Variants in VPS8 observed in about 807,000 individuals in gnomAD.
VPS8 encodes the protein vacuolar protein sorting-associated protein 8 homolog.
A neutral mutation model predicts 216.4 loss-of-function variants in VPS8; 129 were observed. That is an observed-to-expected ratio of 0.60 (90% CI 0.52 to 0.69). The LOEUF (loss-of-function observed/expected upper bound fraction) is 0.69, where lower values mean the gene tolerates loss of function less well. Ranked by LOEUF, VPS8 falls within the 30% of genes least tolerant of loss-of-function variation. The pLI, the probability that VPS8 is intolerant of heterozygous loss-of-function variation, is 0.00. For missense variants in VPS8, 1,531 were observed against 1,683.5 expected, an observed-to-expected ratio of 0.91 and a Z score of 1.59; for synonymous variants, 571 against 565.4, an observed-to-expected ratio of 1.01 and a Z score of -0.14.
chr3:185,049,526 C>T (rs1485606356), intron 47 of VPS8, among the ~76,000 whole-genome samples: 2 of 152,154 alleles, frequency 1.3e-5, no homozygotes. Flanking sequence ...GAGGCCACTG[C>T]AGGTCTTCTG....
intron 38 of VPS8, 43 bp downstream of exon 38, chr3:184,964,600 C>A: frequency 7.9e-7 from 1 of 1,262,298 alleles, no homozygotes; most frequent in Non-Finnish European, 1.1e-6. Flanking sequence ...TCTGTCTATT[C>A]CTCTATTCAT....
At chr3:185,043,273 C>CTCT (rs1712095650) in intron 46 of VPS8, among the ~76,000 whole-genome samples, 1 of 152,174 alleles carries the variant, frequency 6.6e-6, no homozygotes, top group Non-Finnish European at 1.5e-5. Flanking sequence ...AGTTTCCTCA[C>CTCT]AGGTAAATTA....
At chr3:184,867,980 C>T in intron 17 of VPS8, 44 bp from the exon 18 acceptor site, 1 of 1,607,094 alleles carries the variant, frequency 6.2e-7, no homozygotes, top group Non-Finnish European at 8.5e-7. Context: ...CCAAAGAAGT[C>T]TGTTAAGGGT....
chr3:185,022,455 A>G (rs573839149), intron 45 of VPS8, among the ~76,000 whole-genome samples: 1 of 152,338 alleles, frequency 6.6e-6, no homozygotes, highest in African/African-American at 2.4e-5. Flanking sequence ...GTTTGATAAC[A>G]AACTGAATTT....
chr3:184,964,372 A>G, intron 37 of VPS8, 96 bp from the exon 38 acceptor site: 2 of 646,230 alleles, frequency 3.1e-6, no homozygotes, highest in Non-Finnish European at 4.7e-6. Context: ...GTATAAATTC[A>G]TTATTTATCA....
intron 23 of VPS8, among the ~76,000 whole-genome samples, chr3:184,895,700 C>T (rs1216690004): frequency 8.0e-6 from 1 of 124,268 alleles, no homozygotes; most frequent in Non-Finnish European, 1.7e-5. Context: ...AGTACAGTGG[C>T]GTGATCTTGG....
intron 42 of VPS8, among the ~76,000 whole-genome samples, chr3:184,989,244 T>G (rs923754382): frequency 7.9e-5 from 12 of 152,226 alleles, no homozygotes; most frequent in African/African-American, 2.9e-4. Flanking sequence ...AGCTGCAAGG[T>G]TCTTATAGAT....
At chr3:184,826,677 T>C (rs928451808) in intron 3 of VPS8, among the ~76,000 whole-genome samples, 1 of 152,268 alleles carries the variant, frequency 6.6e-6, no homozygotes, top group African/African-American at 2.4e-5. Context: ...CTTTTGAGGT[T>C]TGTATTATGT....
chr3:185,046,916 C>T lies in VPS8; in HGVS notation c.4057-1563C>T, dbSNP rs190536079. On this transcript the variant is annotated intron_variant, in intron 46 of 47. Coordinates refer to ENST00000625842, the MANE Select transcript of VPS8 (RefSeq NM_001009921.3). ...AGTAAGAAATCAGAAATCTGCATGC[C>T]GGCCCTCCCATCCCTTCATTTGATC... Among the ~76,000 whole-genome samples, 11 of 152,262 alleles carry T rather than the reference C, an allele frequency of 7.2e-5. No homozygotes were observed. In the South Asian group the frequency reaches 1.2e-3, roughly 17 times the overall value.
At chr3:184,921,200 A>G (rs537379730) in intron 29 of VPS8, among the ~76,000 whole-genome samples, 2 of 152,306 alleles carry the variant, frequency 1.3e-5, no homozygotes, top group African/African-American at 4.8e-5. Context: ...TCAAAATAAC[A>G]ATAGTTTAAT....
At chr3:184,822,953 A>C (rs544085984) in intron 1 of VPS8, among the ~76,000 whole-genome samples, 1 of 152,340 alleles carries the variant, frequency 6.6e-6, no homozygotes, top group East Asian at 1.9e-4. Context: ...ATTTTCTGTA[A>C]CGTGAAAGAA....
intron 46 of VPS8, among the ~76,000 whole-genome samples, chr3:185,036,698 C>A (rs542693091): frequency 6.6e-6 from 1 of 150,658 alleles, no homozygotes; most frequent in Non-Finnish European, 1.5e-5. Flanking sequence ...TAGTTTTATT[C>A]CCTTCCCCCA....
At chr3:184,890,316 CAGCT>C (rs1732105038) in intron 22 of VPS8, among the ~76,000 whole-genome samples, 1 of 152,154 alleles carries the variant, frequency 6.6e-6, no homozygotes, top group Non-Finnish European at 1.5e-5. Context: ...ATCTAGTACT[CAGCT>C]AGCCAATTTC....
intron 46 of VPS8, among the ~76,000 whole-genome samples, chr3:185,038,870 G>A (rs924240108): frequency 5.9e-5 from 9 of 152,298 alleles, no homozygotes; most frequent in African/African-American, 1.9e-4. Context: ...GGGCAAGGGT[G>A]ATCAGAGACC....
chr3:184,994,102 G>A, intron 43 of VPS8, 39 bp downstream of exon 43: 1 of 1,394,382 alleles, frequency 7.2e-7, no homozygotes, highest in Non-Finnish European at 9.5e-7. Flanking sequence ...CTGTCCTAAG[G>A]TAGAAAAATG....
At chr3:184,947,674 T>A (rs1019407187) in intron 36 of VPS8, among the ~76,000 whole-genome samples, 8 of 152,230 alleles carry the variant, frequency 5.3e-5, no homozygotes, top group African/African-American at 1.9e-4. Context: ...GCTTGTTTAA[T>A]TCTGGAGCAG....
At position 184,832,726 on chromosome 3, in the gene VPS8, C is replaced by T. The variant is rs1197429333; in HGVS notation, c.260C>T (p.Pro87Leu). The T allele has an allele frequency of 6.2e-6, 10 of 1,606,364 alleles. No individual in the cohort carries two copies. Among genetic ancestry groups the T allele is most frequent in the Non-Finnish European group, 8.5e-6 (10 of 1,175,606 alleles). ...DEDESFILEDPTLLNIDTIDS... is the reference protein window; with the variant it reads ...DEDESFILEDLTLLNIDTIDS... ...GATGAGTCTTTTATTCTTGAGGATC[C>T]TACATTGTTAAACATTGATACTATT... Residue 87 changes from proline (P) to leucine (L), a missense_variant, in exon 4 of 48, where the codon CCT (proline) becomes CTT (leucine). This residue lies in a region of VPS8 where 199 missense variants were observed against 182.2 expected (regional missense o/e 1.09). Transcript: ENST00000625842.
At chr3:184,954,417 GCTCTCTAATCACATGGTT>G (rs1745230055) in intron 36 of VPS8, among the ~76,000 whole-genome samples, 2 of 152,148 alleles carry the variant, frequency 1.3e-5, no homozygotes, top group Non-Finnish European at 2.9e-5. Flanking sequence ...GAAAGTTCCA[GCTCTCTAATCACATGGTT>G]GGCCCTCCTG....
chr3:184,900,014 C>A (rs905163251), intron 24 of VPS8, among the ~76,000 whole-genome samples: 1 of 152,174 alleles, frequency 6.6e-6, no homozygotes, highest in Non-Finnish European at 1.5e-5. Context: ...GAGAAGGTGT[C>A]CTGTCTCTTG....
Sources: gnomAD v4.1 joint callset for allele counts (sites outside exome capture counted in the v4.1 genomes callset) on GRCh38, gnomAD v4.1.1 for gene constraint, gnomAD v4.1.1 regional missense constraint, MANE v1.5 for transcripts, NCBI Gene and HGNC (gene_info 2026-07-23, HGNC 2026-07-21) for gene names.